Variants in GRIK2 observed in about 807,000 individuals in gnomAD.
GRIK2 encodes glutamate receptor ionotropic, kainate 2.
A neutral mutation model predicts 100.3 loss-of-function variants in GRIK2; 32 were observed. The observed-to-expected ratio is 0.32, with a 90% CI of 0.24 to 0.43. The LOEUF is 0.43. Among genes scored for constraint, GRIK2 ranks in the 20% least tolerant of loss-of-function variants. GRIK2 has a pLI of 1.00. For synonymous variants in GRIK2, 417 were observed against 389.4 expected (o/e 1.07, Z -0.83); for missense variants, 843 against 1,114.9 (o/e 0.76, Z 3.47).
chr6:101,532,741 C>T (rs1321590124), intron 2 of GRIK2, among the ~76,000 whole-genome samples: 2 of 151,424 alleles, frequency 1.3e-5, no homozygotes, highest in East Asian at 3.9e-4. Flanking sequence ...TAAAAAGAAT[C>T]TCAGAGTCCT....
intron 4 of GRIK2, among the ~76,000 whole-genome samples, chr6:101,658,056 A>G (rs774561419): frequency 2.0e-4 from 31 of 151,912 alleles, no homozygotes; most frequent in Non-Finnish European, 3.5e-4. Flanking sequence ...AAATTTATTA[A>G]TTTATTTATT....
chr6:101,451,997 T>G (rs1039349918), intron 2 of GRIK2, among the ~76,000 whole-genome samples: 5 of 151,844 alleles, frequency 3.3e-5, no homozygotes, highest in Admixed American at 3.3e-4. Context: ...CTTTTCATTA[T>G]GGCTTTAAAT....
At chr6:101,849,315 T>C (rs17179004) in intron 10 of GRIK2, among the ~76,000 whole-genome samples, 49,162 of 151,912 alleles carry the variant, frequency 0.32, 10,486 homozygotes, top group Middle Eastern at 0.5. Context: ...TTGCTGTCCA[T>C]AGTAATACCT....
At position 101,929,945 on chromosome 6, in the gene GRIK2, C is replaced by A. The variant is rs780049224; in HGVS notation, c.2085+1313C>A. Among the ~76,000 whole-genome samples, 3 of 152,098 alleles carry A rather than the reference C, an allele frequency of 2.0e-5. No homozygotes were observed. In the South Asian group the frequency reaches 6.2e-4, roughly 31 times the overall value. On this transcript the variant is annotated intron_variant, in intron 14 of 16. Transcript: ENST00000369134. The stretch of plus-strand genomic sequence containing the variant: ...ATACGTTCAGTATGGTCCTATTTGA[C>A]TATATTAATTGCGATGGATCAGTTT...
At chr6:101,579,173 G>C (rs942222796) in intron 2 of GRIK2, among the ~76,000 whole-genome samples, 2 of 152,096 alleles carry the variant, frequency 1.3e-5, no homozygotes, top group Non-Finnish European at 2.9e-5. Context: ...TATACATATA[G>C]TGTTATTCTC....
At chr6:101,728,725 A>C (rs1007533446) in intron 7 of GRIK2, among the ~76,000 whole-genome samples, 1 of 152,046 alleles carries the variant, frequency 6.6e-6, no homozygotes, top group African/African-American at 2.4e-5. Context: ...ATTGACTGAA[A>C]TATCTATGAC....
intron 1 of GRIK2, chr6:101,398,757 T>G (rs1312991688): frequency 2.8e-6 from 1 of 351,844 alleles, no homozygotes; most frequent in Non-Finnish European, 5.1e-6. Flanking sequence ...ATAATAGATA[T>G]TGGGGAGCTC....
chr6:101,874,466 T>G (rs1277305116), intron 11 of GRIK2, among the ~76,000 whole-genome samples: 1 of 152,208 alleles, frequency 6.6e-6, no homozygotes, highest in Non-Finnish European at 1.5e-5. Flanking sequence ...ATCTCTGTTT[T>G]GGTACCAGTA....
intron 2 of GRIK2, among the ~76,000 whole-genome samples, chr6:101,404,177 TG>T (rs1453286880): frequency 6.6e-6 from 1 of 152,114 alleles, no homozygotes; most frequent in Non-Finnish European, 1.5e-5. Flanking sequence ...TTAATGCAAG[TG>T]ATCATTACGA....
intron 12 of GRIK2, among the ~76,000 whole-genome samples, chr6:101,916,937 G>T (rs1789151864): frequency 6.6e-6 from 1 of 151,524 alleles, no homozygotes; most frequent in Non-Finnish European, 1.5e-5. Flanking sequence ...CTTTACAAAG[G>T]CTTGAGATGT....
intron 2 of GRIK2, among the ~76,000 whole-genome samples, chr6:101,444,199 A>G (rs1050909842): frequency 9.2e-5 from 14 of 152,010 alleles, no homozygotes; most frequent in Admixed American, 2.6e-4. Flanking sequence ...GATTACAGGC[A>G]TGTGCCACCA....
intron 7 of GRIK2, among the ~76,000 whole-genome samples, chr6:101,782,724 G>A (rs1779173972): frequency 6.6e-6 from 1 of 152,120 alleles, no homozygotes; most frequent in African/African-American, 2.4e-5. Flanking sequence ...TACATACCCA[G>A]TAGTGAGATT....
intron 2 of GRIK2, among the ~76,000 whole-genome samples, chr6:101,452,213 G>A (rs376223514): frequency 6.6e-6 from 1 of 151,686 alleles, no homozygotes; most frequent in African/African-American, 2.4e-5. Flanking sequence ...AAGAAACATG[G>A]CTATAGTATT....
chr6:101,854,196 T>C (rs970245604), intron 10 of GRIK2, among the ~76,000 whole-genome samples: 1 of 152,156 alleles, frequency 6.6e-6, no homozygotes, highest in African/African-American at 2.4e-5. Flanking sequence ...GGGAGATATG[T>C]GAAATGTCTG....
At chr6:101,637,927 T>G (rs1373503377) in intron 4 of GRIK2, among the ~76,000 whole-genome samples, 1 of 152,140 alleles carries the variant, frequency 6.6e-6, no homozygotes, top group Non-Finnish European at 1.5e-5. Context: ...ATTCATCACC[T>G]GTAAGATGTA....
At chr6:101,697,309 C>A (rs900738573) in intron 7 of GRIK2, among the ~76,000 whole-genome samples, 1 of 151,152 alleles carries the variant, frequency 6.6e-6, no homozygotes, top group Non-Finnish European at 1.5e-5. Context: ...CTGTTGTATG[C>A]AAAATCACTG....
At chr6:101,766,487 A>G (rs1320057622) in intron 7 of GRIK2, among the ~76,000 whole-genome samples, 1 of 152,170 alleles carries the variant, frequency 6.6e-6, no homozygotes, top group Non-Finnish European at 1.5e-5. Context: ...GAAGAATAAT[A>G]TCTTCTACAC....
chr6:101,948,901 C>A (rs1791443507), intron 14 of GRIK2, among the ~76,000 whole-genome samples: 1 of 152,138 alleles, frequency 6.6e-6, no homozygotes, highest in African/African-American at 2.4e-5. Context: ...TGCACCTGGG[C>A]ACATTTACAG....
chr6:101,804,328 C>A (rs940847602), intron 9 of GRIK2, among the ~76,000 whole-genome samples: 1 of 151,908 alleles, frequency 6.6e-6, no homozygotes, highest in African/African-American at 2.4e-5. Flanking sequence ...AACATAGATA[C>A]CATGTCCAAG....
Sources: allele counts gnomAD v4.1 joint callset (sites outside exome capture counted in the v4.1 genomes callset), GRCh38; gene constraint gnomAD v4.1.1; transcripts MANE v1.5; gene names NCBI Gene and HGNC (gene_info 2026-07-23, HGNC 2026-07-21).